Variants in EXOC6B observed in about 807,000 individuals in gnomAD.
EXOC6B encodes exocyst complex component 6B.
Under a neutral mutation model 113.5 loss-of-function variants are expected in EXOC6B, and 54 were observed. The ratio of observed to expected loss-of-function variants is 0.48; its 90% CI spans 0.38 to 0.60. The LOEUF (loss-of-function observed/expected upper bound fraction) is 0.60, where lower values mean the gene tolerates loss of function less well. EXOC6B is among the 20% of genes least tolerant of loss of function. The pLI, the probability that EXOC6B is intolerant of heterozygous loss-of-function variation, is 0.00. For synonymous variants in EXOC6B, 357 were observed against 339.0 expected, an observed-to-expected ratio of 1.05 and a Z score of -0.58; for missense variants, 797 against 977.5, an observed-to-expected ratio of 0.82 and a Z score of 2.46.
intron 6 of EXOC6B, among the ~76,000 whole-genome samples, chr2:72,695,886 C>T (rs1677837910): frequency 6.6e-6 from 1 of 152,160 alleles, no homozygotes; most frequent in Non-Finnish European, 1.5e-5. Context: ...TGCTGAATCA[C>T]ATCTGTCAGG....
intron 18 of EXOC6B, among the ~76,000 whole-genome samples, chr2:72,453,217 TA>T (rs1251885462): frequency 6.6e-6 from 1 of 151,934 alleles, no homozygotes; most frequent in African/African-American, 2.4e-5. Flanking sequence ...AAGTAAAAAG[TA>T]AAAAGGGGCT....
At chr2:72,456,907 C>A (rs1440039261) in intron 18 of EXOC6B, among the ~76,000 whole-genome samples, 1 of 151,804 alleles carries the variant, frequency 6.6e-6, no homozygotes, top group Non-Finnish European at 1.5e-5. Flanking sequence ...CTGGTAAGGC[C>A]TCATAGAAGG....
chr2:72,250,768 A>C (rs920191460), intron 20 of EXOC6B, among the ~76,000 whole-genome samples: 1 of 151,888 alleles, frequency 6.6e-6, no homozygotes, highest in Non-Finnish European at 1.5e-5. Context: ...TAAAAAAAAA[A>C]CCTCAATTTC....
chr2:72,224,817 T>TGC (rs1553468171), intron 20 of EXOC6B, among the ~76,000 whole-genome samples: 30 of 146,736 alleles, frequency 2.0e-4, no homozygotes, highest in Admixed American at 5.5e-4. Flanking sequence ...TGTGTGTGTG[T>TGC]GTGCGTGTGT....
In EXOC6B at chr2:72,282,975, T is replaced by C. The variant is rs535407775; in HGVS notation, c.2196+51972A>G. 2.6e-5 allele frequency among the ~76,000 whole-genome samples: 4 copies of C among 152,274 alleles called. No individual in the cohort carries two copies. The South Asian group carries it at 6.2e-4, about 24-fold the overall frequency. ...TCATAATTTGAGAGTTGCACACCTC[T>C]TGATAACTGACAAAACAATTAGAAC... On this transcript the variant is annotated intron_variant, in intron 20 of 21. Transcript: ENST00000272427.
At chr2:72,328,243 GA>G (rs1163494740) in intron 20 of EXOC6B, among the ~76,000 whole-genome samples, 1 of 151,992 alleles carries the variant, frequency 6.6e-6, no homozygotes, top group Non-Finnish European at 1.5e-5. Flanking sequence ...AAAACCAAAG[GA>G]CCATCTTTTG....
chr2:72,409,302 AG>A (rs1381888258), intron 18 of EXOC6B, among the ~76,000 whole-genome samples: 3 of 152,252 alleles, frequency 2.0e-5, no homozygotes, highest in African/African-American at 7.2e-5. Context: ...TGTGGCAGTC[AG>A]TGTGGCAATT....
At chr2:72,321,397 T>C (rs1687833779) in intron 20 of EXOC6B, among the ~76,000 whole-genome samples, 1 of 151,994 alleles carries the variant, frequency 6.6e-6, no homozygotes, top group Non-Finnish European at 1.5e-5. Flanking sequence ...TAGCTGGGCA[T>C]GGTGGTGAGC....
At chr2:72,297,041 A>G (rs1686181607) in intron 20 of EXOC6B, among the ~76,000 whole-genome samples, 1 of 152,246 alleles carries the variant, frequency 6.6e-6, no homozygotes, top group African/African-American at 2.4e-5. Context: ...GCAATCAAAT[A>G]GAAGTGGAAA....
intron 6 of EXOC6B, among the ~76,000 whole-genome samples, chr2:72,648,080 C>A (rs1314619280): frequency 2.0e-5 from 3 of 152,036 alleles, no homozygotes; most frequent in Non-Finnish European, 2.9e-5. Flanking sequence ...AACACATTTA[C>A]AAGAAAAAAG....
chr2:72,718,575 G>A (rs1416044465), intron 5 of EXOC6B, among the ~76,000 whole-genome samples: 1 of 152,076 alleles, frequency 6.6e-6, no homozygotes, highest in Non-Finnish European at 1.5e-5. Flanking sequence ...GAAATAAAAG[G>A]GGCCAGGCAT....
intron 2 of EXOC6B, among the ~76,000 whole-genome samples, chr2:72,739,158 T>C (rs1372035986): frequency 6.6e-6 from 1 of 152,206 alleles, no homozygotes; most frequent in Non-Finnish European, 1.5e-5. Flanking sequence ...TAATCCTCTA[T>C]TAAGTGATGT....
At chr2:72,779,686 A>G (rs1683915214) in intron 1 of EXOC6B, among the ~76,000 whole-genome samples, 1 of 152,188 alleles carries the variant, frequency 6.6e-6, no homozygotes, top group Non-Finnish European at 1.5e-5. Flanking sequence ...TGGGCCAAGC[A>G]TAACATCCCA....
chr2:72,322,591 TA>T (rs1687898689), intron 20 of EXOC6B, among the ~76,000 whole-genome samples: 1 of 151,956 alleles, frequency 6.6e-6, no homozygotes, highest in African/African-American at 2.4e-5. Context: ...ATTAACAGCC[TA>T]AAAATGTTTA....
intron 18 of EXOC6B, among the ~76,000 whole-genome samples, chr2:72,390,881 T>C (rs568746994): frequency 1.0e-3 from 159 of 152,338 alleles, no homozygotes; most frequent in African/African-American, 3.7e-3. Flanking sequence ...TCTGACCTCA[T>C]GGACTTTTCG....
At chr2:72,813,837 T>C (rs555169178) in intron 1 of EXOC6B, among the ~76,000 whole-genome samples, 2 of 152,360 alleles carry the variant, frequency 1.3e-5, no homozygotes, top group East Asian at 1.9e-4. Context: ...GTGATGATTC[T>C]TGCTCGTTTA....
At chr2:72,263,727 T>C (rs1326085903) in intron 20 of EXOC6B, among the ~76,000 whole-genome samples, 3 of 152,216 alleles carry the variant, frequency 2.0e-5, no homozygotes, top group Admixed American at 6.5e-5. Flanking sequence ...TATCCTGTTA[T>C]GCTGGAAAAT....
intron 8 of EXOC6B, among the ~76,000 whole-genome samples, chr2:72,553,258 C>T (rs1703342012): frequency 6.6e-6 from 1 of 151,990 alleles, no homozygotes; most frequent in Non-Finnish European, 1.5e-5. Context: ...ATTTATCTAA[C>T]AAAGAATGCC....
At position 72,825,694 on chromosome 2, in the gene EXOC6B, G is replaced by A; in HGVS notation, c.113+104C>T. 2.3e-6 allele frequency: 3 copies of A among 1,325,786 alleles called. No homozygotes were observed. Among genetic ancestry groups the A allele is most frequent in the Admixed American group, 5.8e-5 (2 of 34,316 alleles). The allele number at this position is 1,325,786 out of a possible 1,614,324, so 82.1% of individuals were successfully genotyped here. A position where few individuals can be genotyped will look rare whatever the true frequency, so the allele number is the denominator to read the frequency against. ...GTATGCAGGGTCTCTCCGAAGGGAG[G>A]GGCCGGCGCCGGACCTGGGGACAGC... On this transcript the variant is annotated intron_variant, in intron 1 of 21. Coordinates refer to ENST00000272427, the MANE Select transcript of EXOC6B (RefSeq NM_015189.3). The surrounding 1 kb of genome is among the most constrained non-coding windows in gnomAD (Gnocchi z 4.4).
Sources: gnomAD v4.1 joint callset for allele counts (sites outside exome capture counted in the v4.1 genomes callset) on GRCh38, gnomAD v4.1.1 for gene constraint, Gnocchi (gnomAD v3.1) non-coding constraint, MANE v1.5 for transcripts, NCBI Gene and HGNC (gene_info 2026-07-23, HGNC 2026-07-21) for gene names.